NF1: variants seen among roughly 807,000 people sequenced by gnomAD.
NF1 encodes neurofibromin.
A neutral mutation model predicts 325.7 loss-of-function variants in NF1; 122 were observed. The ratio of observed to expected loss-of-function variants is 0.37; its 90% CI spans 0.32 to 0.44. The LOEUF is 0.44. NF1 is among the 20% of genes least tolerant of loss of function. NF1 has a pLI of 1.00. For missense variants in NF1, 2,140 were observed against 3,415.4 expected (o/e 0.63, Z 9.31); for synonymous variants, 1,091 against 1,186.0 (o/e 0.92, Z 1.65).
intron 29 of NF1, among the ~76,000 whole-genome samples, chr17:31,239,236 TAAGA>T (rs2067253490): frequency 6.6e-6 from 1 of 152,056 alleles, no homozygotes; most frequent in South Asian, 2.1e-4. Flanking sequence ...ACATGGAAAT[TAAGA>T]AAGAATCAAA....
At chr17:31,183,817 A>G (rs924050391) in intron 8 of NF1, among the ~76,000 whole-genome samples, 1 of 152,160 alleles carries the variant, frequency 6.6e-6, no homozygotes, top group Non-Finnish European at 1.5e-5. Flanking sequence ...CTCCCAGCCT[A>G]CATCTTTCTC....
intron 1 of NF1, among the ~76,000 whole-genome samples, chr17:31,106,710 G>C (rs1912896439): frequency 6.6e-6 from 1 of 152,084 alleles, no homozygotes; most frequent in African/African-American, 2.4e-5. Context: ...ATATATCCTT[G>C]ATTTCATTAT....
chr17:31,249,299 G>C lies in NF1; in HGVS notation c.4110+180G>C, dbSNP rs191728936. ...TTGAAAAAAACTTAAATATTACTTA[G>C]GCAACAGTTTGAAGTAAGAGAATAC... On this transcript the variant is annotated intron_variant, in intron 30 of 57. Coordinates refer to ENST00000358273, the MANE Select transcript of NF1 (RefSeq NM_001042492.3). 1.7e-4 allele frequency among the ~76,000 whole-genome samples: 26 copies of C among 152,224 alleles called. No individual in the cohort carries two copies. The East Asian group carries it at 4.8e-3, about 28-fold the overall frequency.
intron 27 of NF1, among the ~76,000 whole-genome samples, chr17:31,234,409 C>T (rs1336159531): frequency 6.6e-6 from 1 of 152,068 alleles, no homozygotes; most frequent in Non-Finnish European, 1.5e-5. Flanking sequence ...TGTGGTCGCT[C>T]ACGCCTGTAA....
rs189522993 is a variant in NF1, at chr17:31,236,017, A to G, written c.3970A>G (p.Thr1324Ala). 3.7e-6 allele frequency: 6 copies of G among 1,610,694 alleles called. 1 individual carries two copies. In the East Asian group the frequency reaches 6.7e-5, roughly 18 times the overall value. ...WQHVSFEVDP[T>A]RLEPSESLEE... Reference sequence around the variant, plus strand: ...ACATGTTAGCTTTGAAGTGGATCCTACCAGGTTTGTCATCTTTTCACATAG... The same window carrying G: ...ACATGTTAGCTTTGAAGTGGATCCTGCCAGGTTTGTCATCTTTTCACATAG... The change falls in exon 29 of 58, where the codon ACC (threonine) becomes GCC (alanine). Residue 1324 changes from threonine to alanine, a missense_variant. Transcript: ENST00000358273.
chr17:31,145,571 T>G (rs1197870918), intron 1 of NF1, among the ~76,000 whole-genome samples: 1 of 152,154 alleles, frequency 6.6e-6, no homozygotes, highest in Non-Finnish European at 1.5e-5. Flanking sequence ...GAACACCTTA[T>G]CTGATAAATT....
intron 8 of NF1, among the ~76,000 whole-genome samples, chr17:31,194,556 AATG>A (rs1172263179): frequency 1.3e-5 from 2 of 152,136 alleles, no homozygotes; most frequent in Non-Finnish European, 2.9e-5. Flanking sequence ...AGCACAAAGA[AATG>A]ATAAGAGATG....
chr17:31,158,725 T>C (rs2065710808), intron 2 of NF1, among the ~76,000 whole-genome samples: 2 of 152,178 alleles, frequency 1.3e-5, no homozygotes, highest in Admixed American at 1.3e-4. Flanking sequence ...CAGGTCTATA[T>C]GTGTGTCTAA....
intron 47 of NF1, 127 bp from the exon 48 acceptor site, chr17:31,342,882 G>A (rs940152687): frequency 2.4e-6 from 3 of 1,231,768 alleles, no homozygotes; most frequent in South Asian, 1.3e-5. Context: ...GCAGTCAACT[G>A]AAAATAATTT....
chr17:31,306,038 C>T (rs1026437752), intron 36 of NF1, among the ~76,000 whole-genome samples: 4 of 152,060 alleles, frequency 2.6e-5, no homozygotes, highest in African/African-American at 9.7e-5. Flanking sequence ...TATTGATTCT[C>T]CTGCCTTGAA....
chr17:31,300,993 T>G (rs575244692), intron 36 of NF1, among the ~76,000 whole-genome samples: 2 of 152,238 alleles, frequency 1.3e-5, no homozygotes, highest in South Asian at 4.1e-4. Flanking sequence ...GTGTTTTGGG[T>G]CTTCCCCTTC....
intron 1 of NF1, among the ~76,000 whole-genome samples, chr17:31,116,461 G>A (rs1597577963): frequency 6.6e-6 from 1 of 152,018 alleles, no homozygotes; most frequent in African/African-American, 2.4e-5. Context: ...GAGTATCTGC[G>A]TAATCTAACT....
chr17:31,099,331 C>T (rs1912086880), intron 1 of NF1, among the ~76,000 whole-genome samples: 1 of 152,108 alleles, frequency 6.6e-6, no homozygotes, highest in Non-Finnish European at 1.5e-5. Flanking sequence ...ATATAAAATT[C>T]CTTAACCTGA....
At chr17:31,247,634 C>G (rs1294537525) in intron 29 of NF1, among the ~76,000 whole-genome samples, 1 of 152,160 alleles carries the variant, frequency 6.6e-6, no homozygotes, top group African/African-American at 2.4e-5. Flanking sequence ...AAAGTTATAT[C>G]TGCATATACT....
chr17:31,213,719 A>G (rs184329217), intron 12 of NF1, among the ~76,000 whole-genome samples: 53 of 152,320 alleles, frequency 3.5e-4, no homozygotes, highest in Non-Finnish European at 6.6e-4. Flanking sequence ...TCTATAATTG[A>G]AACATATTTT....
At chr17:31,237,750 T>C (rs112310118) in intron 29 of NF1, among the ~76,000 whole-genome samples, 12 of 152,060 alleles carry the variant, frequency 7.9e-5, no homozygotes, top group African/African-American at 2.7e-4. Context: ...CTGAATCTTA[T>C]TATTAAGCAA....
intron 1 of NF1, among the ~76,000 whole-genome samples, chr17:31,134,751 T>C (rs1915638655): frequency 6.6e-6 from 1 of 152,204 alleles, no homozygotes; most frequent in Non-Finnish European, 1.5e-5. Context: ...TCTCAGTTCC[T>C]TTCTACTTGG....
At chr17:31,268,083 T>C (rs899806540) in intron 36 of NF1, among the ~76,000 whole-genome samples, 3 of 152,232 alleles carry the variant, frequency 2.0e-5, no homozygotes, top group Non-Finnish European at 2.9e-5. Flanking sequence ...GCTCTTTGAC[T>C]GTCTCTCGGT....
At chr17:31,138,854 TC>T (rs1388144856) in intron 1 of NF1, among the ~76,000 whole-genome samples, 3 of 151,992 alleles carry the variant, frequency 2.0e-5, no homozygotes, top group African/African-American at 7.3e-5. Flanking sequence ...AGTGCTGGGA[TC>T]AGAGGCAGCA....
Sources: allele counts gnomAD v4.1 joint callset (sites outside exome capture counted in the v4.1 genomes callset), GRCh38; gene constraint gnomAD v4.1.1; transcripts MANE v1.5; gene names NCBI Gene and HGNC (gene_info 2026-07-23, HGNC 2026-07-21).